LONRF1: variants seen among roughly 807,000 people sequenced by gnomAD.
LONRF1 encodes the protein LON peptidase N-terminal domain and RING finger protein 1.
LONRF1 carries 37 observed loss-of-function variants against 85.8 expected under a neutral mutation model. That is an observed-to-expected ratio of 0.43 (90% CI 0.33 to 0.57). LONRF1 has a LOEUF of 0.57. LONRF1 is among the 20% of genes least tolerant of loss of function. The probability of loss-of-function intolerance (pLI) is 0.04; values close to 1 mark genes in which losing one functional copy is unlikely to be tolerated. For missense variants in LONRF1, 1,036 were observed against 978.0 expected, an observed-to-expected ratio of 1.06 and a Z score of -0.79; for synonymous variants, 517 against 390.1, an observed-to-expected ratio of 1.33 and a Z score of -3.83.
At chr8:12,742,826 A>G (rs1050099134) in intron 2 of LONRF1, among the ~76,000 whole-genome samples, 21 of 152,108 alleles carry the variant, frequency 1.4e-4, no homozygotes, top group African/African-American at 5.1e-4. Flanking sequence ...CCAGGGCTCC[A>G]GTGACCTTCC....
intron 6 of LONRF1, 99 bp downstream of exon 6, chr8:12,736,602 T>C (rs1015069896): frequency 2.5e-6 from 2 of 787,444 alleles, no homozygotes; most frequent in Non-Finnish European, 3.9e-6. Flanking sequence ...TATTCCAGCA[T>C]TGTGTTACTT....
chr8:12,744,079 T>C (rs1362909513), intron 1 of LONRF1, among the ~76,000 whole-genome samples: 1 of 152,150 alleles, frequency 6.6e-6, no homozygotes, highest in Admixed American at 6.6e-5. Flanking sequence ...ATTTATAATA[T>C]AGCAACAAAT....
intron 1 of LONRF1, among the ~76,000 whole-genome samples, chr8:12,746,013 C>CA (rs1799138247): frequency 1.3e-5 from 2 of 152,172 alleles, no homozygotes; most frequent in Admixed American, 6.5e-5. Context: ...CATTCTTCAC[C>CA]AAAAAAGCAT....
At chr8:12,737,789 G>T (rs4072355) in intron 4 of LONRF1, among the ~76,000 whole-genome samples, 2 of 151,938 alleles carry the variant, frequency 1.3e-5, no homozygotes, top group Non-Finnish European at 1.5e-5. Flanking sequence ...TTCTTTCACG[G>T]GACCTAAAAT....
chr8:12,745,454 A>G (rs1009105928), intron 1 of LONRF1, among the ~76,000 whole-genome samples: 1 of 152,096 alleles, frequency 6.6e-6, no homozygotes, highest in African/African-American at 2.4e-5. Context: ...AGCCCCTTTG[A>G]AAAGCATACA....
At chr8:12,752,580 G>A (rs1225971756) in intron 1 of LONRF1, among the ~76,000 whole-genome samples, 1 of 152,094 alleles carries the variant, frequency 6.6e-6, no homozygotes, top group African/African-American at 2.4e-5. Context: ...GTTGCTAAGT[G>A]GGCAAAATCC....
At chr8:12,748,159 T>G (rs893769426) in intron 1 of LONRF1, among the ~76,000 whole-genome samples, 3 of 152,200 alleles carry the variant, frequency 2.0e-5, no homozygotes, top group African/African-American at 7.2e-5. Context: ...CTTGCCTTTT[T>G]AGTTATTTGC....
intron 2 of LONRF1, among the ~76,000 whole-genome samples, chr8:12,742,667 C>T (rs944139496): frequency 3.3e-5 from 5 of 151,516 alleles, no homozygotes; most frequent in African/African-American, 1.2e-4. Context: ...ATTGTTTGTT[C>T]CTTATTTATG....
chr8:12,737,221 A>C, intron 4 of LONRF1, 81 bp from the exon 5 acceptor site: 2 of 1,441,366 alleles, frequency 1.4e-6, no homozygotes, highest in Non-Finnish European at 1.9e-6. Context: ...ACTGAAATGA[A>C]ATTTCAATGC....
chr8:12,736,683 A>C lies in LONRF1; in HGVS notation c.1451+18T>G, dbSNP rs757185015. The stretch of plus-strand genomic sequence containing the variant: ...CTAACATAAAATATTCATCTTCTAT[A>C]AAGTTTTATATGCTTACCTCATGCA... On this transcript the variant is annotated intron_variant, in intron 6 of 11. Coordinates refer to ENST00000398246, the MANE Select transcript of LONRF1 (RefSeq NM_152271.5). 6.6e-7 allele frequency: 1 copy of C among 1,523,700 alleles called. No homozygotes were observed. The highest frequency in any genetic ancestry group is 1.2e-5 in the South Asian group (1 of 84,850). The allele number at this position is 1,523,700 out of a possible 1,614,324, so 94.4% of individuals were successfully genotyped here.
intron 11 of LONRF1, among the ~76,000 whole-genome samples, 185 bp from the exon 12 acceptor site, chr8:12,723,439 T>C (rs139739679): frequency 7.7e-4 from 118 of 152,328 alleles, no homozygotes; most frequent in African/African-American, 2.7e-3. Flanking sequence ...GTAATGCAAA[T>C]TGTCCAAGAT....
chr8:12,733,562 C>CTCAA lies in LONRF1; in HGVS notation c.1567-1709_1567-1706dup, dbSNP rs536060695. ...CCCACTACTGAGTAGAGGAGCAGAC[C>CTCAA]TCAACTCTGTCCTTCAGTGACAGAT... On this transcript the variant is annotated intron_variant, in intron 7 of 11. Transcript: ENST00000398246. 1.3e-3 allele frequency among the ~76,000 whole-genome samples: 203 copies of CTCAA among 152,186 alleles called. 3 individuals are homozygous for CTCAA. Among genetic ancestry groups the CTCAA allele is most frequent in the Non-Finnish European group, 1.6e-4 (11 of 67,994 alleles).
chr8:12,748,836 T>A (rs1799267831), intron 1 of LONRF1, among the ~76,000 whole-genome samples: 1 of 151,592 alleles, frequency 6.6e-6, no homozygotes, highest in South Asian at 2.1e-4. Context: ...ATTGCTTCAT[T>A]ATGTTCAGTA....
At chr8:12,728,775 C>T in intron 10 of LONRF1, 126 bp downstream of exon 10, 1 of 1,029,018 alleles carries the variant, frequency 9.7e-7, no homozygotes, top group Non-Finnish European at 1.4e-6. Context: ...GGAGCACATT[C>T]TCATCACAGT....
rs1264219714 is a variant in LONRF1 at position 12,737,020 on chromosome 8, A to G, written c.1234T>C (p.Ser412Pro). 3.1e-6 allele frequency: 5 copies of G among 1,613,562 alleles called. No homozygotes were observed. The highest frequency in any genetic ancestry group is 4.2e-6 in the Non-Finnish European group (5 of 1,179,734). ...TGAACTGACAGAACAGGTTCTGAGG[A>G]CACTCTTTTTAAACAGTCCTCTCTG... ...PAREDCLKRV[S>P]SEPVLSVQEK... Residue 412 changes from serine (S) to proline (P), a missense_variant, in exon 5 of 12, where the codon TCC becomes CCC. Transcript: ENST00000398246.
chr8:12,751,302 T>TTTTTTTTTTTTTTTTG (rs1799386896), intron 1 of LONRF1, among the ~76,000 whole-genome samples: 1 of 96,602 alleles, frequency 1.0e-5, no homozygotes, highest in African/African-American at 3.1e-5. Context: ...TTATGTTTTT[T>TTTTTTTTTTTTTTTTG]TTTTTTTTTT....
chr8:12,723,394 A>G lies in LONRF1; in HGVS notation c.2164-140T>C, dbSNP rs541510409. 1.1e-5 allele frequency: 8 copies of G among 704,626 alleles called. No individual in the cohort carries two copies. The African/African-American group carries it at 1.3e-4, about 11-fold the overall frequency. The allele number at this position is 704,626 out of a possible 1,614,324, so 43.6% of individuals were successfully genotyped here. On this transcript the variant is annotated intron_variant, in intron 11 of 11. Coordinates refer to ENST00000398246, the MANE Select transcript of LONRF1 (RefSeq NM_152271.5). ...TCTCCAATGTCCTTAACAATTATGC[A>G]AAGTATAAAATGGGAGAAACTGAAG...
intron 7 of LONRF1, among the ~76,000 whole-genome samples, chr8:12,734,320 T>C (rs746326271): frequency 8.5e-5 from 13 of 152,240 alleles, no homozygotes; most frequent in Non-Finnish European, 1.8e-4. Context: ...CATGCTATTA[T>C]GACATCCGTA....
At chr8:12,747,220 G>T (rs997358524) in intron 1 of LONRF1, among the ~76,000 whole-genome samples, 1 of 152,176 alleles carries the variant, frequency 6.6e-6, no homozygotes, top group African/African-American at 2.4e-5. Context: ...ACCATCTGAG[G>T]AATCTAGTCT....
Sources: allele counts gnomAD v4.1 joint callset (sites outside exome capture counted in the v4.1 genomes callset), GRCh38; gene constraint gnomAD v4.1.1; transcripts MANE v1.5; gene names NCBI Gene and HGNC (gene_info 2026-07-23, HGNC 2026-07-21).